Variants in TOP2B observed in about 807,000 individuals in gnomAD.
The protein encoded by TOP2B is DNA topoisomerase 2-beta.
Under a neutral mutation model 193.5 loss-of-function variants are expected in TOP2B, and 51 were observed. That is an observed-to-expected ratio of 0.26 (90% CI 0.21 to 0.33). TOP2B has a LOEUF of 0.33. Ranked by LOEUF, TOP2B falls within the 10% of genes least tolerant of loss-of-function variation. The pLI is 1.00. For synonymous variants in TOP2B, 634 were observed against 635.7 expected, an observed-to-expected ratio of 1.00 and a Z score of 0.04; for missense variants, 1,378 against 1,909.3, an observed-to-expected ratio of 0.72 and a Z score of 5.19.
intron 30 of TOP2B, among the ~76,000 whole-genome samples, chr3:25,608,049 T>C (rs1419465645): frequency 1.3e-5 from 2 of 152,154 alleles, no homozygotes; most frequent in African/African-American, 2.4e-5. Context: ...CCTCCCAAAG[T>C]GCTGAGATTA....
rs1703101683 is a variant in TOP2B, at chr3:25,636,236, T to A, written c.640-88A>T. On this transcript the variant is annotated intron_variant, in intron 6 of 35. Coordinates refer to ENST00000264331, the MANE Select transcript of TOP2B (RefSeq NM_001330700.2). Reference sequence around the variant, plus strand: ...TACACTCATTAAATTCATTCATTTATCAAACTATATCAATTTTACAACTTC... The same window carrying A: ...TACACTCATTAAATTCATTCATTTAACAAACTATATCAATTTTACAACTTC... 3 of 808,136 alleles carry A rather than the reference T, an allele frequency of 3.7e-6. No homozygotes were observed. In the East Asian group the frequency reaches 8.2e-5, roughly 22 times the overall value. The allele number at this position is 808,136 out of a possible 1,614,324, so 50.1% of individuals were successfully genotyped here.
intron 1 of TOP2B, 42 bp from the exon 2 acceptor site, chr3:25,645,512 G>A (rs757423758): frequency 1.3e-6 from 2 of 1,504,506 alleles, no homozygotes; most frequent in South Asian, 1.3e-5. Flanking sequence ...ACCTACCAAG[G>A]GGTAGACAAT....
intron 23 of TOP2B, among the ~76,000 whole-genome samples, chr3:25,619,553 G>T (rs1559496920): frequency 6.6e-6 from 1 of 152,010 alleles, no homozygotes; most frequent in Non-Finnish European, 1.5e-5. Flanking sequence ...TAATAGAGAT[G>T]GCCATAAAGT....
chr3:25,617,850 G>A (rs1013830574), intron 25 of TOP2B, among the ~76,000 whole-genome samples: 1 of 152,140 alleles, frequency 6.6e-6, no homozygotes. Context: ...GATCTGCAAT[G>A]GGCAACTTAC....
At chr3:25,605,969 G>C in intron 32 of TOP2B, 74 bp downstream of exon 32, 1 of 829,818 alleles carries the variant, frequency 1.2e-6, no homozygotes, top group Non-Finnish European at 1.7e-6. Flanking sequence ...ATGACCTAAC[G>C]ATTTATTTAC....
Position 25,645,561 on chromosome 3 carries a change from C to CA in TOP2B, c.70-92dup, listed in dbSNP as rs1260283174. The CA allele has an allele frequency of 6.5e-6, 6 of 917,572 alleles. No individual in the cohort carries two copies. In the South Asian group the frequency reaches 1.2e-4, roughly 19 times the overall value. The allele number at this position is 917,572 out of a possible 1,614,324, so 56.8% of individuals were successfully genotyped here. ...CGACATGGGTTTTCTTTTTTAATGG[C>CA]AAAATTATCTTTCAGACTGATTTTT... On this transcript the variant is annotated intron_variant, in intron 1 of 35. Transcript: ENST00000264331.
chr3:25,638,033 T>A (rs1218417488), intron 5 of TOP2B, 132 bp downstream of exon 5: 2 of 887,162 alleles, frequency 2.3e-6, no homozygotes, highest in African/African-American at 3.5e-5. Context: ...ACAATATTTA[T>A]ACATGATAGT....
intron 27 of TOP2B, among the ~76,000 whole-genome samples, chr3:25,613,889 T>C (rs772492363): frequency 3.9e-5 from 6 of 152,134 alleles, no homozygotes; most frequent in South Asian, 4.1e-4. Flanking sequence ...ACTTAACCTC[T>C]CCAAGCTTCA....
intron 2 of TOP2B, 40 bp from the exon 3 acceptor site, chr3:25,643,824 C>G (rs74876478): frequency 0.023 from 33,193 of 1,439,864 alleles, 465 homozygotes; most frequent in Non-Finnish European, 0.027. Context: ...CTCAATAAAT[C>G]CTTAATATCA....
chr3:25,646,572 T>G (rs1559507320), intron 1 of TOP2B, among the ~76,000 whole-genome samples: 1 of 152,234 alleles, frequency 6.6e-6, no homozygotes, highest in Non-Finnish European at 1.5e-5. Context: ...AAAGATATTG[T>G]GATGGCCTAT....
intron 1 of TOP2B, among the ~76,000 whole-genome samples, chr3:25,653,778 C>T (rs1703666714): frequency 1.3e-5 from 2 of 152,134 alleles, no homozygotes; most frequent in East Asian, 1.9e-4. Flanking sequence ...GGGATTTATA[C>T]TTGAAATGCA....
chr3:25,648,995 G>T (rs150968103), intron 1 of TOP2B, among the ~76,000 whole-genome samples: 1 of 152,050 alleles, frequency 6.6e-6, no homozygotes. Context: ...ACAAAAACTC[G>T]GTGTAACAAT....
At chr3:25,629,651 A>G (rs548805608) in intron 13 of TOP2B, among the ~76,000 whole-genome samples, 29 of 152,282 alleles carry the variant, frequency 1.9e-4, no homozygotes, top group African/African-American at 6.5e-4. Context: ...TCAATTTTCT[A>G]GTTCTTTCTC....
intron 21 of TOP2B, among the ~76,000 whole-genome samples, chr3:25,622,183 A>T (rs1191373174): frequency 1.3e-5 from 2 of 152,172 alleles, no homozygotes; most frequent in Admixed American, 6.5e-5. Flanking sequence ...GCACAGTTTC[A>T]TACACATAGT....
rs76364067 is a variant in TOP2B at position 25,632,397 on chromosome 3, C to G, written c.1266+49G>C. On this transcript the variant is annotated intron_variant, in intron 10 of 35. Transcript: ENST00000264331. ...AAATAAAGTAAATCAAGAAAACTAC[C>G]TAATCAACTCTTAATAACAACAATA... 4.5e-4 allele frequency: 646 copies of G among 1,437,506 alleles called. 5 individuals are homozygous for G. The African/African-American group carries it at 8.3e-3, about 18-fold the overall frequency. 89.0% of individuals were successfully genotyped at this position (1,437,506 alleles called of 1,614,324 possible).
chr3:25,624,247 T>C (rs772486454), intron 20 of TOP2B, 50 bp downstream of exon 20: 2 of 1,594,234 alleles, frequency 1.3e-6, no homozygotes, highest in Non-Finnish European at 1.7e-6. Context: ...TTTAGTTAGT[T>C]GGTTCCAAAT....
At position 25,620,836 on chromosome 3, in the gene TOP2B, T is replaced by C. The variant is rs953534583; in HGVS notation, c.2728-20A>G. ...TGGAAGCTGTAGAGAAAAAGGTAAA[T>C]AGCATTGACTTCTCTCTTGAGTACC... On this transcript the variant is annotated intron_variant, in intron 21 of 35. Coordinates refer to ENST00000264331, the MANE Select transcript of TOP2B (RefSeq NM_001330700.2). 2 of 1,610,600 alleles carry C rather than the reference T, an allele frequency of 1.2e-6. No individual in the cohort carries two copies. The highest frequency in any genetic ancestry group is 1.7e-6 in the Non-Finnish European group (2 of 1,178,104).
rs1052600108 is a variant in TOP2B at position 25,637,005 on chromosome 3, T to A, written c.639+210A>T. 5.9e-5 allele frequency among the ~76,000 whole-genome samples: 9 copies of A among 152,088 alleles called. No individual in the cohort carries two copies. The East Asian group carries it at 1.5e-3, about 26-fold the overall frequency. Reference sequence around the variant, plus strand: ...ATAAAGTCTGTTAAATAAAGCACTTTGTTTGAAAGGAATGATAGAGGAATA... The same window carrying A: ...ATAAAGTCTGTTAAATAAAGCACTTAGTTTGAAAGGAATGATAGAGGAATA... On this transcript the variant is annotated intron_variant, in intron 6 of 35. Coordinates refer to ENST00000264331, the MANE Select transcript of TOP2B (RefSeq NM_001330700.2).
At chr3:25,645,578 C>G (rs1186299060) in intron 1 of TOP2B, 108 bp from the exon 2 acceptor site, 7 of 810,816 alleles carry the variant, frequency 8.6e-6, no homozygotes, top group Non-Finnish European at 1.8e-6. Flanking sequence ...ATCTTTCAGA[C>G]TGATTTTTTA....
Sources: gnomAD v4.1 joint callset for allele counts (sites outside exome capture counted in the v4.1 genomes callset) on GRCh38, gnomAD v4.1.1 for gene constraint, MANE v1.5 for transcripts, NCBI Gene and HGNC (gene_info 2026-07-23, HGNC 2026-07-21) for gene names.